KAT6A: variants seen among roughly 807,000 people sequenced by gnomAD.
KAT6A encodes the protein histone acetyltransferase KAT6A.
Under a neutral mutation model 198.4 loss-of-function variants are expected in KAT6A, and 9 were observed. That is an observed-to-expected ratio of 0.05 (90% CI 0.03 to 0.08). KAT6A has a LOEUF of 0.08. Ranked by LOEUF, KAT6A falls within the 10% of genes least tolerant of loss-of-function variation. The pLI, the probability that KAT6A is intolerant of heterozygous loss-of-function variation, is 1.00. For missense variants in KAT6A, 2,077 were observed against 2,509.9 expected (o/e 0.83, Z 3.69); for synonymous variants, 890 against 883.0 (o/e 1.01, Z -0.14).
At chr8:42,001,119 C>T (rs1434558670) in intron 2 of KAT6A, among the ~76,000 whole-genome samples, 2 of 152,142 alleles carry the variant, frequency 1.3e-5, no homozygotes, top group Non-Finnish European at 2.9e-5. Flanking sequence ...ATGGTTTAAA[C>T]TTGGATATTT....
At chr8:42,026,164 G>A (rs965543501) in intron 2 of KAT6A, among the ~76,000 whole-genome samples, 3 of 152,268 alleles carry the variant, frequency 2.0e-5, no homozygotes, top group African/African-American at 7.2e-5. Flanking sequence ...TGCTGAATTG[G>A]TTACTACAGC....
At chr8:41,969,563 T>C (rs1823673901) in intron 8 of KAT6A, among the ~76,000 whole-genome samples, 1 of 152,182 alleles carries the variant, frequency 6.6e-6, no homozygotes, top group African/African-American at 2.4e-5. Context: ...TCTCTCATCC[T>C]GATCACCGGA....
rs1169532762 is a variant in KAT6A at position 41,943,912 on chromosome 8, A to G, written c.2064T>C (p.Arg688=). The change falls in exon 13 of 17, where the codon CGT becomes CGC. Residue 688 remains arginine, a synonymous_variant. Coordinates refer to ENST00000265713, the MANE Select transcript of KAT6A (RefSeq NM_006766.5). ...SPEKPLSDLG[R]LSYMAYWKSV... Reference sequence around the variant, plus strand: ...TTTTCCAATATGCCATGTAGGAAAGACGACCCAGATCAGATAACGGTTTCT... The same window carrying G: ...TTTTCCAATATGCCATGTAGGAAAGGCGACCCAGATCAGATAACGGTTTCT... 1 of 1,613,924 alleles carries G rather than the reference A, an allele frequency of 6.2e-7. No individual in the cohort carries two copies. Among genetic ancestry groups the G allele is most frequent in the East Asian group, 2.2e-5 (1 of 44,872 alleles).
intron 8 of KAT6A, chr8:41,957,367 A>G (rs995066622): frequency 1.2e-5 from 6 of 497,556 alleles, no homozygotes; most frequent in Non-Finnish European, 2.4e-5. Flanking sequence ...GGCTCTCTAC[A>G]CAGGGAGGAA....
chr8:41,930,697 T>G lies in KAT6A; in HGVS notation c.*1508A>C. On this transcript the variant is annotated 3_prime_UTR_variant, in exon 17 of 17. Coordinates refer to ENST00000265713, the MANE Select transcript of KAT6A (RefSeq NM_006766.5). ...ATATATATATATGTGTGTGTGTGTG[T>G]GTGTGTGTGTGTGTATATATATATA... The G allele has an allele frequency of 1.4e-5, 1 of 73,308 alleles. No individual in the cohort carries two copies. The highest frequency in any genetic ancestry group is 2.8e-5 in the Non-Finnish European group (1 of 36,102). 4.5% of individuals were successfully genotyped at this position (73,308 alleles called of 1,614,324 possible).
At chr8:41,963,161 T>C (rs1055806760) in intron 8 of KAT6A, among the ~76,000 whole-genome samples, 1 of 152,184 alleles carries the variant, frequency 6.6e-6, no homozygotes, top group Non-Finnish European at 1.5e-5. Flanking sequence ...CACTGCTAAA[T>C]CTCTAGTGCT....
At chr8:42,036,164 A>G (rs1827368043) in intron 2 of KAT6A, among the ~76,000 whole-genome samples, 1 of 152,130 alleles carries the variant, frequency 6.6e-6, no homozygotes, top group Non-Finnish European at 1.5e-5. Flanking sequence ...TCTACTGAAA[A>G]TGAGAAAAAA....
At chr8:42,037,897 C>T (rs1827457077) in intron 2 of KAT6A, among the ~76,000 whole-genome samples, 1 of 152,064 alleles carries the variant, frequency 6.6e-6, no homozygotes, top group Non-Finnish European at 1.5e-5. Context: ...GTCATAAAGA[C>T]CAATAAAGAC....
At chr8:41,987,903 C>T (rs553287671) in intron 2 of KAT6A, among the ~76,000 whole-genome samples, 63 of 152,206 alleles carry the variant, frequency 4.1e-4, no homozygotes, top group African/African-American at 1.5e-3. Flanking sequence ...ACAGTGTAAG[C>T]GCTGAAAAAG....
intron 13 of KAT6A, among the ~76,000 whole-genome samples, chr8:41,943,261 G>GCT (rs978318620): frequency 6.6e-6 from 1 of 152,170 alleles, no homozygotes; most frequent in Non-Finnish European, 1.5e-5. Flanking sequence ...AAGTTCTGCT[G>GCT]CTCTTCTGCA....
At position 42,048,371 on chromosome 8, in the gene KAT6A, T is replaced by C. The variant is rs375778498; in HGVS notation, c.600+7A>G. 1.2e-6 allele frequency: 2 copies of C among 1,612,610 alleles called. No individual in the cohort carries two copies. The highest frequency in any genetic ancestry group is 2.7e-5 in the African/African-American group (2 of 74,872). On this transcript the variant is annotated splice_region_variant and intron_variant, in intron 2 of 16. Coordinates refer to ENST00000265713, the MANE Select transcript of KAT6A (RefSeq NM_006766.5). ...TCTATAAACCCCGAAGCATATGCCATTCTTACCTTATCCTTTTCATGTGGA... is the reference window on the plus strand; with the variant it reads ...TCTATAAACCCCGAAGCATATGCCACTCTTACCTTATCCTTTTCATGTGGA...
Position 41,942,619 on chromosome 8 carries a change from TTAAG to T in KAT6A, c.2436+170_2436+173del. 4.2e-6 allele frequency: 3 copies of T among 714,328 alleles called. 1 individual carries two copies. In the South Asian group the frequency reaches 6.0e-5, roughly 14 times the overall value. The allele number at this position is 714,328 out of a possible 1,614,324, so 44.2% of individuals were successfully genotyped here. Reference sequence around the variant, plus strand: ...CTAATTGTCCAAGGCTTAAAAATACTTAAGTAAACCAGGTCCAGTCTTCTTGAAA... The same window carrying T: ...CTAATTGTCCAAGGCTTAAAAATACTTAAACCAGGTCCAGTCTTCTTGAAA... On this transcript the variant is annotated intron_variant, in intron 14 of 16. Transcript: ENST00000265713.
At chr8:41,945,460 C>A (rs1008192201) in intron 12 of KAT6A, among the ~76,000 whole-genome samples, 1 of 151,562 alleles carries the variant, frequency 6.6e-6, no homozygotes, top group Non-Finnish European at 1.5e-5. Flanking sequence ...TTAGTAGAGA[C>A]GAGGTTTCAC....
At chr8:41,985,891 G>C (rs1213261178) in intron 3 of KAT6A, among the ~76,000 whole-genome samples, 1 of 152,062 alleles carries the variant, frequency 6.6e-6, no homozygotes, top group Non-Finnish European at 1.5e-5. Flanking sequence ...CAAAGATAAT[G>C]CTGGTTTGCT....
chr8:42,032,155 T>A (rs1827163210), intron 2 of KAT6A, among the ~76,000 whole-genome samples: 1 of 152,170 alleles, frequency 6.6e-6, no homozygotes, highest in South Asian at 2.1e-4. Flanking sequence ...TACTTGTTTT[T>A]TAATGCTTGT....
At chr8:41,990,471 G>C (rs1824878388) in intron 2 of KAT6A, among the ~76,000 whole-genome samples, 1 of 152,050 alleles carries the variant, frequency 6.6e-6, no homozygotes, top group Non-Finnish European at 1.5e-5. Context: ...ACCAACAAAT[G>C]GCCCATATCC....
chr8:42,013,511 G>T (rs1826121212), intron 2 of KAT6A, among the ~76,000 whole-genome samples: 1 of 152,148 alleles, frequency 6.6e-6, no homozygotes, highest in Admixed American at 6.5e-5. Context: ...GGGATTACAG[G>T]CGTAAGCCAC....
chr8:42,045,315 C>A (rs1802165557), intron 2 of KAT6A, among the ~76,000 whole-genome samples: 1 of 152,202 alleles, frequency 6.6e-6, no homozygotes, highest in Non-Finnish European at 1.5e-5. Flanking sequence ...AATGCCAGCA[C>A]TTTGGGAGGC....
At chr8:42,042,398 C>T (rs1022348998) in intron 2 of KAT6A, among the ~76,000 whole-genome samples, 8 of 150,946 alleles carry the variant, frequency 5.3e-5, no homozygotes, top group Admixed American at 1.3e-4. Context: ...GTGGAGGTTG[C>T]ACCACTGCAC....
Sources: allele counts gnomAD v4.1 joint callset (sites outside exome capture counted in the v4.1 genomes callset), GRCh38; gene constraint gnomAD v4.1.1; transcripts MANE v1.5; gene names NCBI Gene and HGNC (gene_info 2026-07-23, HGNC 2026-07-21).